The following NRXN3 variants were observed in gnomAD, a reference collection of about 807,000 sequenced individuals.
NRXN3 encodes neurexin III.
NRXN3 carries 32 observed loss-of-function variants against 137.6 expected under a neutral mutation model. The observed-to-expected ratio is 0.23, with a 90% CI of 0.18 to 0.31. NRXN3 has a LOEUF of 0.31. Among genes scored for constraint, NRXN3 ranks in the 10% least tolerant of loss-of-function variants. The pLI, the probability that NRXN3 is intolerant of heterozygous loss-of-function variation, is 1.00. For synonymous variants in NRXN3, 798 were observed against 784.5 expected (o/e 1.02, Z -0.29); for missense variants, 1,574 against 2,062.5 (o/e 0.76, Z 4.59).
chr14:78,243,940 A>G lies in NRXN3; in HGVS notation c.709+138A>G, dbSNP rs1596313256. The G allele has an allele frequency of 1.4e-5, 9 of 663,308 alleles. No individual in the cohort carries two copies. The East Asian group carries it at 2.2e-4, about 16-fold the overall frequency. 41.1% of individuals were successfully genotyped at this position (663,308 alleles called of 1,614,324 possible). On this transcript the variant is annotated intron_variant, in intron 2 of 20. Transcript: ENST00000335750. This position sits in a 1 kb window ranked among gnomAD's most constrained non-coding sequence, Gnocchi z 4.2. The stretch of plus-strand genomic sequence containing the variant: ...ACTGGGCCCCTTGCCCTAAGGAGGC[A>G]GTGGAAATCCTTTGCCTACTCTTAA...
In NRXN3 at chr14:79,787,140, A is replaced by G. The variant is rs555404899; in HGVS notation, c.4015-17972A>G. Reference sequence around the variant, plus strand: ...CAAATAAGAAATTTATCTCTCTGGTACATGGTTGTAGAATTCAAACATTAG... The same window carrying G: ...CAAATAAGAAATTTATCTCTCTGGTGCATGGTTGTAGAATTCAAACATTAG... On this transcript the variant is annotated intron_variant, in intron 19 of 20. Coordinates refer to ENST00000335750, the MANE Select transcript of NRXN3 (RefSeq NM_001330195.2). 1.3e-3 allele frequency among the ~76,000 whole-genome samples: 193 copies of G among 152,362 alleles called. 1 individual carries two copies. The highest frequency in any genetic ancestry group is 2.3e-3 in the Non-Finnish European group (155 of 68,034).
At chr14:79,035,114 C>T (rs2099613976) in intron 15 of NRXN3, among the ~76,000 whole-genome samples, 1 of 152,090 alleles carries the variant, frequency 6.6e-6, no homozygotes, top group Non-Finnish European at 1.5e-5. Context: ...TTTTATAAGG[C>T]CCTTTCCTCT....
At chr14:79,673,965 AG>A (rs945901531) in intron 17 of NRXN3, among the ~76,000 whole-genome samples, 5 of 152,088 alleles carry the variant, frequency 3.3e-5, no homozygotes, top group African/African-American at 4.8e-5. Context: ...ATGTCTTAGA[AG>A]GCAAACCCAA....
chr14:78,525,846 T>C (rs185175841), intron 4 of NRXN3, among the ~76,000 whole-genome samples: 8 of 152,316 alleles, frequency 5.3e-5, no homozygotes, highest in Admixed American at 5.2e-4. Flanking sequence ...ACCTTAATTT[T>C]TTAATTTCTC....
intron 4 of NRXN3, among the ~76,000 whole-genome samples, chr14:78,447,811 C>G (rs2094455976): frequency 6.6e-6 from 1 of 152,224 alleles, no homozygotes; most frequent in Admixed American, 6.5e-5. Flanking sequence ...AAGTGAGGCT[C>G]TTATAGCCTA....
At chr14:78,972,743 C>G (rs1410951444) in intron 14 of NRXN3, 2 of 152,520 alleles carry the variant, frequency 1.3e-5, no homozygotes, top group African/African-American at 4.8e-5. Context: ...TCTGGTGAAC[C>G]TGTAGAGCAT....
chr14:78,367,191 C>G (rs947945216), intron 4 of NRXN3, among the ~76,000 whole-genome samples: 1 of 152,066 alleles, frequency 6.6e-6, no homozygotes, highest in Non-Finnish European at 1.5e-5. Context: ...TTGGTGGAAC[C>G]AGGTGCACTC....
intron 1 of NRXN3, among the ~76,000 whole-genome samples, chr14:78,203,878 T>G (rs948091681): frequency 2.2e-5 from 3 of 139,234 alleles, no homozygotes; most frequent in African/African-American, 2.8e-5. Flanking sequence ...GTGTGGTTTG[T>G]GTGTCTGTAT....
intron 15 of NRXN3, among the ~76,000 whole-genome samples, chr14:79,077,552 A>G (rs1188592138): frequency 6.6e-6 from 1 of 152,128 alleles, no homozygotes; most frequent in Non-Finnish European, 1.5e-5. Context: ...CACATGGGCC[A>G]TTTGAAAAAC....
At chr14:79,650,591 C>T (rs1046017184) in intron 16 of NRXN3, among the ~76,000 whole-genome samples, 1 of 152,078 alleles carries the variant, frequency 6.6e-6, no homozygotes, top group Admixed American at 6.6e-5. Context: ...AATGCAGTTG[C>T]CCTATGCACC....
At chr14:79,124,926 T>A (rs2056132021) in intron 15 of NRXN3, among the ~76,000 whole-genome samples, 1 of 152,232 alleles carries the variant, frequency 6.6e-6, no homozygotes, top group Admixed American at 6.5e-5. Context: ...ATATCTGAAT[T>A]ACATGCAGTT....
chr14:79,864,592 T>G lies in NRXN3; in HGVS notation c.*2628T>G, dbSNP rs1603620766. On this transcript the variant is annotated 3_prime_UTR_variant, in exon 21 of 21. Transcript: ENST00000335750. ...TTATCAAAATGCCATATTTATGAGATAATTATCTGTTACTTGAGGCATTAT... is the reference window on the plus strand; with the variant it reads ...TTATCAAAATGCCATATTTATGAGAGAATTATCTGTTACTTGAGGCATTAT... The G allele has an allele frequency of 6.6e-6, 1 of 151,688 alleles. No homozygotes were observed. The highest frequency in any genetic ancestry group is 2.4e-5 in the African/African-American group (1 of 41,386). 9.4% of individuals were successfully genotyped at this position (151,688 alleles called of 1,614,324 possible). A position where few individuals can be genotyped will look rare whatever the true frequency, so the allele number is the denominator to read the frequency against.
At chr14:78,651,055 T>A (rs1383097129) in intron 5 of NRXN3, 110 bp from the exon 6 acceptor site, 8 of 1,029,276 alleles carry the variant, frequency 7.8e-6, no homozygotes, top group Non-Finnish European at 9.8e-6. Context: ...AAAGTATATC[T>A]CATGAAAATC....
At chr14:79,126,639 G>A (rs1334932924) in intron 15 of NRXN3, among the ~76,000 whole-genome samples, 2 of 152,008 alleles carry the variant, frequency 1.3e-5, no homozygotes, top group African/African-American at 2.4e-5. Flanking sequence ...AAACATACGT[G>A]TGCATGTGTC....
chr14:79,639,649 CT>C (rs1178586608), intron 16 of NRXN3, among the ~76,000 whole-genome samples: 1 of 152,058 alleles, frequency 6.6e-6, no homozygotes, highest in Non-Finnish European at 1.5e-5. Context: ...CTTTTTTTCG[CT>C]GTAGAAGATG....
intron 6 of NRXN3, chr14:78,708,657 A>G (rs2098380313): frequency 6.5e-6 from 1 of 153,006 alleles, no homozygotes; most frequent in Admixed American, 6.5e-5. Flanking sequence ...ATATATACAT[A>G]TAATGCCCCC....
intron 10 of NRXN3, among the ~76,000 whole-genome samples, chr14:78,940,286 A>G (rs73325311): frequency 0.02 from 3,030 of 152,270 alleles, 97 homozygotes; most frequent in African/African-American, 0.069. Context: ...TGCTTTCTCT[A>G]ACAAGTATTA....
intron 4 of NRXN3, among the ~76,000 whole-genome samples, chr14:78,419,369 C>CT (rs2093322716): frequency 6.6e-6 from 1 of 152,162 alleles, no homozygotes; most frequent in South Asian, 2.1e-4. Context: ...TCCTGAGTAG[C>CT]TGGGATTACA....
chr14:78,660,315 T>C (rs2152678094), intron 6 of NRXN3, among the ~76,000 whole-genome samples: 1 of 151,214 alleles, frequency 6.6e-6, no homozygotes, highest in Admixed American at 6.6e-5. Flanking sequence ...ATCTGATACA[T>C]GTTTCTTGAT....
Sources: gnomAD v4.1 joint callset for allele counts (sites outside exome capture counted in the v4.1 genomes callset) on GRCh38, gnomAD v4.1.1 for gene constraint, Gnocchi (gnomAD v3.1) non-coding constraint, MANE v1.5 for transcripts, NCBI Gene and HGNC (gene_info 2026-07-23, HGNC 2026-07-21) for gene names.